The following WDR17 variants were observed in gnomAD, a reference collection of about 807,000 sequenced individuals.
WDR17 encodes WD repeat-containing protein 17.
Under a neutral mutation model 161.7 loss-of-function variants are expected in WDR17, and 143 were observed. The observed-to-expected ratio is 0.88, with a 90% CI of 0.77 to 1.02. The LOEUF is 1.02. Ranked by LOEUF, WDR17 falls within the 50% of genes least tolerant of loss-of-function variation. The pLI, the probability that WDR17 is intolerant of heterozygous loss-of-function variation, is 0.00. For synonymous variants in WDR17, 517 were observed against 515.6 expected, an observed-to-expected ratio of 1.00 and a Z score of -0.04; for missense variants, 1,469 against 1,520.9, an observed-to-expected ratio of 0.97 and a Z score of 0.57.
chr4:176,128,833 G>A lies in WDR17; in HGVS notation c.886G>A (p.Val296Ile). 2 of 1,588,882 alleles carry A rather than the reference G, an allele frequency of 1.3e-6. No individual in the cohort carries two copies. The highest frequency in any genetic ancestry group is 1.7e-6 in the Non-Finnish European group (2 of 1,170,422). The change falls in exon 6 of 29, where the codon GTA becomes ATA. Residue 296 changes from valine (V) to isoleucine (I), a missense_variant. Coordinates refer to ENST00000508596, the MANE Select transcript of WDR17 (RefSeq NM_181265.4). ...GAAAACAGGATTTCACTGCTTACAT[G>A]TACTTAATTCTCCTCCAAGAAAAAA... is the stretch of plus-strand genomic sequence containing the variant. ...LKKTGFHCLH[V>I]LNSPPRKKFS...
intron 3 of WDR17, among the ~76,000 whole-genome samples, chr4:176,117,730 A>C (rs1740868796): frequency 6.6e-6 from 1 of 152,018 alleles, no homozygotes; most frequent in Admixed American, 6.6e-5. Context: ...CTTTTGGCAA[A>C]TTTTTCATGT....
intron 1 of WDR17, among the ~76,000 whole-genome samples, chr4:176,106,892 A>C (rs998640549): frequency 2.0e-5 from 3 of 152,196 alleles, no homozygotes; most frequent in Non-Finnish European, 2.9e-5. Context: ...TTGAGGTTGC[A>C]GTGAACTATG....
intron 11 of WDR17, among the ~76,000 whole-genome samples, chr4:176,143,708 CT>C (rs1426570833): frequency 1.3e-5 from 2 of 151,726 alleles, no homozygotes; most frequent in East Asian, 1.9e-4. Context: ...TATAAATACT[CT>C]TTTTTTTCCT....
chr4:176,080,484 G>C (rs992705804), intron 1 of WDR17, among the ~76,000 whole-genome samples: 3 of 151,980 alleles, frequency 2.0e-5, no homozygotes, highest in South Asian at 2.1e-4. Flanking sequence ...GAAGTAGTAG[G>C]GGAATCAAAA....
intron 11 of WDR17, among the ~76,000 whole-genome samples, chr4:176,144,806 A>C (rs1056197538): frequency 2.0e-5 from 3 of 152,128 alleles, no homozygotes. Context: ...CTCTGACTGT[A>C]TAATTTAGAT....
rs1037035911 is a variant in WDR17, at chr4:176,179,450, C to T, written c.3733-10C>T. ...TCTCATCTTCTCTTTCCTCAACTCT[C>T]ACTGTGCAGGGCCCTGTGTTTTTCC... On this transcript the variant is annotated splice_polypyrimidine_tract_variant and intron_variant, in intron 28 of 28. Transcript: ENST00000508596. 1.3e-6 allele frequency: 2 copies of T among 1,521,234 alleles called. No individual in the cohort carries two copies. The highest frequency in any genetic ancestry group is 1.8e-6 in the Non-Finnish European group (2 of 1,135,562). 94.2% of individuals were successfully genotyped at this position (1,521,234 alleles called of 1,614,324 possible).
intron 22 of WDR17, 102 bp from the exon 23 acceptor site, chr4:176,168,570 C>A: frequency 7.4e-7 from 1 of 1,358,292 alleles, no homozygotes; most frequent in Non-Finnish European, 1.0e-6. Flanking sequence ...AATTAAAAAG[C>A]AAGAGTGGTA....
At chr4:176,139,134 C>G (rs527757835) in intron 9 of WDR17, among the ~76,000 whole-genome samples, 1 of 151,792 alleles carries the variant, frequency 6.6e-6, no homozygotes, top group Non-Finnish European at 1.5e-5. Context: ...ACACAGCAAC[C>G]TTAAGCTACA....
intron 21 of WDR17, 44 bp from the exon 22 acceptor site, chr4:176,163,110 C>T: frequency 6.2e-7 from 1 of 1,613,240 alleles, no homozygotes; most frequent in Non-Finnish European, 8.5e-7. Context: ...ATGATCCTAC[C>T]CAGCTTCTAT....
chr4:176,074,047 A>G, intron 1 of WDR17, among the ~76,000 whole-genome samples: 4 of 150,310 alleles, frequency 2.7e-5, no homozygotes, highest in African/African-American at 4.9e-5. Context: ...CCCATTTTGT[A>G]GGTTGCCTGT....
chr4:176,121,388 G>A (rs1741557230), intron 4 of WDR17, among the ~76,000 whole-genome samples: 2 of 152,098 alleles, frequency 1.3e-5, no homozygotes, highest in African/African-American at 4.8e-5. Context: ...TCTCAGGAAT[G>A]CAATCTATAA....
intron 23 of WDR17, among the ~76,000 whole-genome samples, chr4:176,171,470 G>A (rs1007427507): frequency 5.3e-5 from 8 of 151,826 alleles, no homozygotes; most frequent in Non-Finnish European, 1.2e-4. Context: ...ATATATGAGA[G>A]CCCCGTTAAT....
chr4:176,138,689 G>A (rs189367509), intron 9 of WDR17, among the ~76,000 whole-genome samples: 24 of 151,860 alleles, frequency 1.6e-4, no homozygotes, highest in Admixed American at 1.6e-3. Context: ...TAGATCAGTT[G>A]ATTTCTTCTT....
intron 5 of WDR17, among the ~76,000 whole-genome samples, chr4:176,126,877 C>T (rs1026662603): frequency 1.3e-5 from 2 of 152,138 alleles, no homozygotes; most frequent in Non-Finnish European, 2.9e-5. Context: ...CTCCTGTTTG[C>T]CCTCACTCCA....
chr4:176,070,948 C>T (rs1040039929), intron 1 of WDR17, among the ~76,000 whole-genome samples: 1 of 152,162 alleles, frequency 6.6e-6, no homozygotes, highest in African/African-American at 2.4e-5. Flanking sequence ...AATATGCCAG[C>T]ATTAAGTGAC....
At chr4:176,165,954 G>A (rs1749710864) in intron 22 of WDR17, among the ~76,000 whole-genome samples, 1 of 152,050 alleles carries the variant, frequency 6.6e-6, no homozygotes, top group South Asian at 2.1e-4. Flanking sequence ...TAATCCTCCT[G>A]GCTATTAGTA....
Position 176,115,992 on chromosome 4 carries a change from C to G in WDR17, c.307+13C>G, listed in dbSNP as rs1740562938. 5 of 1,579,346 alleles carry G rather than the reference C, an allele frequency of 3.2e-6. No individual in the cohort carries two copies. The highest frequency in any genetic ancestry group is 1.9e-5 in the Admixed American group (1 of 53,656). Reference sequence around the variant, plus strand: ...GACAGTACAAAAGGTATAATTACAACTGGGATTTATTTTATGGAATAAAAT... The same window carrying G: ...GACAGTACAAAAGGTATAATTACAAGTGGGATTTATTTTATGGAATAAAAT... On this transcript the variant is annotated intron_variant, in intron 3 of 28. Coordinates refer to ENST00000508596, the MANE Select transcript of WDR17 (RefSeq NM_181265.4).
rs1464945095 is a variant in WDR17 at position 176,135,125 on chromosome 4, C to T, written c.1116C>T (p.Ile372=). Residue 372 remains isoleucine (I), a synonymous_variant, in exon 8 of 29, where the codon ATC becomes ATT. Transcript: ENST00000508596. ...ATTCCTAGGGACATGTGGAAACTAT[C>T]TTTGACTGCAAATTCAAACCTGACG... ...FLRDLGHVET[I]FDCKFKPDDP... 2 of 1,611,814 alleles carry T rather than the reference C, an allele frequency of 1.2e-6. No homozygotes were observed. The highest frequency in any genetic ancestry group is 2.2e-5 in the South Asian group (2 of 90,998).
intron 1 of WDR17, among the ~76,000 whole-genome samples, chr4:176,098,945 A>G (rs1411706885): frequency 6.6e-6 from 1 of 152,080 alleles, no homozygotes; most frequent in Non-Finnish European, 1.5e-5. Context: ...CTATTTAAGA[A>G]CAAAGGTACA....
Sources: allele counts gnomAD v4.1 joint callset (sites outside exome capture counted in the v4.1 genomes callset), GRCh38; gene constraint gnomAD v4.1.1; transcripts MANE v1.5; gene names NCBI Gene and HGNC (gene_info 2026-07-23, HGNC 2026-07-21).